ZCCHC14: variants seen among roughly 807,000 people sequenced by gnomAD.
ZCCHC14 encodes the protein zinc finger CCHC-type containing 14.
A neutral mutation model predicts 85.0 loss-of-function variants in ZCCHC14; 16 were observed. That is an observed-to-expected ratio of 0.19 (90% CI 0.13 to 0.29). ZCCHC14 has a LOEUF of 0.29. Ranked by LOEUF, ZCCHC14 falls within the 10% of genes least tolerant of loss-of-function variation. The pLI is 1.00. For missense variants in ZCCHC14, 1,303 were observed against 1,443.5 expected, an observed-to-expected ratio of 0.90 and a Z score of 1.58; for synonymous variants, 775 against 630.7, an observed-to-expected ratio of 1.23 and a Z score of -3.43.
At chr16:87,450,375 A>G (rs1910638759) in intron 2 of ZCCHC14, among the ~76,000 whole-genome samples, 1 of 152,206 alleles carries the variant, frequency 6.6e-6, no homozygotes, top group Non-Finnish European at 1.5e-5. Flanking sequence ...ATTCACCATC[A>G]CACTGATTAA....
At position 87,482,088 on chromosome 16, in the gene ZCCHC14, C is replaced by G. The variant is rs1234237138; in HGVS notation, c.570+9581G>C. ...AGTGGCAGAGCCCTCCCGACCTACC[C>G]ATGTCCCAACACTGCCGCACTGGGG... On this transcript the variant is annotated intron_variant, in intron 1 of 12. Transcript: ENST00000671377. Among the ~76,000 whole-genome samples, 8 of 152,300 alleles carry G rather than the reference C, an allele frequency of 5.3e-5. No individual in the cohort carries two copies. The East Asian group carries it at 1.5e-3, about 29-fold the overall frequency.
chr16:87,465,739 C>G (rs1193355313), intron 1 of ZCCHC14, among the ~76,000 whole-genome samples: 1 of 152,170 alleles, frequency 6.6e-6, no homozygotes, highest in Non-Finnish European at 1.5e-5. Flanking sequence ...CTAACCAGCT[C>G]CCACATGATA....
Position 87,462,200 on chromosome 16 carries a change from C to G in ZCCHC14, c.571-2069G>C, listed in dbSNP as rs142386466. On this transcript the variant is annotated intron_variant, in intron 1 of 12. Transcript: ENST00000671377. ...TTTGGATAACTTAATAACATGTTAT[C>G]AAGAAAATAAAATTTTTTGAATTTC... 6.9e-3 allele frequency among the ~76,000 whole-genome samples: 1,047 copies of G among 151,100 alleles called. 10 individuals are homozygous for G. Among genetic ancestry groups the G allele is most frequent in the African/African-American group, 0.025 (1,015 of 41,206 alleles).
At chr16:87,414,942 C>T (rs1301742039) in intron 9 of ZCCHC14, among the ~76,000 whole-genome samples, 5 of 152,074 alleles carry the variant, frequency 3.3e-5, no homozygotes, top group African/African-American at 9.7e-5. Flanking sequence ...ATTAGCCAGG[C>T]GTGGTGGCGG....
chr16:87,431,945 C>G (rs1329241624), intron 3 of ZCCHC14, among the ~76,000 whole-genome samples: 1 of 152,232 alleles, frequency 6.6e-6, no homozygotes, highest in Non-Finnish European at 1.5e-5. Flanking sequence ...ACCTCCAAAC[C>G]TCAGCAGCTG....
At chr16:87,433,075 G>A in intron 3 of ZCCHC14, 53 bp downstream of exon 3, 2 of 1,560,670 alleles carry the variant, frequency 1.3e-6, no homozygotes, top group East Asian at 2.2e-5. Context: ...TCCAGGGTAA[G>A]TGTTTTCTTC....
chr16:87,489,030 T>C (rs1912635794), intron 1 of ZCCHC14, among the ~76,000 whole-genome samples: 1 of 152,236 alleles, frequency 6.6e-6, no homozygotes, highest in Non-Finnish European at 1.5e-5. Context: ...GGGCTGCTTT[T>C]TCAGGAATAC....
intron 1 of ZCCHC14, among the ~76,000 whole-genome samples, chr16:87,482,065 T>C (rs1912305911): frequency 6.6e-6 from 1 of 152,162 alleles, no homozygotes; most frequent in South Asian, 2.1e-4. Context: ...GTAATGGCAG[T>C]GGCAGAGCCC....
intron 2 of ZCCHC14, among the ~76,000 whole-genome samples, chr16:87,453,833 G>C (rs918831897): frequency 6.6e-6 from 1 of 152,196 alleles, no homozygotes; most frequent in African/African-American, 2.4e-5. Flanking sequence ...ATGGACACCA[G>C]CCCTAAGTGA....
At chr16:87,434,410 T>C (rs528059723) in intron 2 of ZCCHC14, among the ~76,000 whole-genome samples, 1 of 152,282 alleles carries the variant, frequency 6.6e-6, no homozygotes, top group South Asian at 2.1e-4. Flanking sequence ...GCTTTACACA[T>C]AACTGGGAAA....
chr16:87,456,494 C>G (rs1307674866), intron 2 of ZCCHC14, among the ~76,000 whole-genome samples: 1 of 130,722 alleles, frequency 7.6e-6, no homozygotes, highest in Non-Finnish European at 1.6e-5. Context: ...GATTGCGCCA[C>G]TGCACTCCAG....
chr16:87,491,255 A>G lies in ZCCHC14; in HGVS notation c.570+414T>C, dbSNP rs1267654266. On this transcript the variant is annotated intron_variant, in intron 1 of 12. Transcript: ENST00000671377. This position sits in a 1 kb window ranked among gnomAD's most constrained non-coding sequence, Gnocchi z 5.9. Reference sequence around the variant, plus strand: ...GGGCCCCTGCAGCCGCTCCTGCCCAAGGGGCGCGAGGCGGAGGTGTGGAGG... The same window carrying G: ...GGGCCCCTGCAGCCGCTCCTGCCCAGGGGGCGCGAGGCGGAGGTGTGGAGG... 1.3e-5 allele frequency among the ~76,000 whole-genome samples: 2 copies of G among 152,198 alleles called. No individual in the cohort carries two copies. Among genetic ancestry groups the G allele is most frequent in the Non-Finnish European group, 2.9e-5 (2 of 68,032 alleles).
chr16:87,467,306 T>C, intron 1 of ZCCHC14: 3 of 1,581,444 alleles, frequency 1.9e-6, no homozygotes, highest in South Asian at 2.2e-5. Flanking sequence ...GCCTCAATAA[T>C]GTAACACTGC....
intron 1 of ZCCHC14, among the ~76,000 whole-genome samples, chr16:87,477,726 A>G (rs1396391418): frequency 6.6e-6 from 1 of 152,160 alleles, no homozygotes; most frequent in African/African-American, 2.4e-5. Flanking sequence ...CGACACCCTC[A>G]GAGCAGCCTC....
chr16:87,445,152 T>C (rs2150747228), intron 2 of ZCCHC14, among the ~76,000 whole-genome samples: 1 of 152,094 alleles, frequency 6.6e-6, no homozygotes, highest in African/African-American at 2.4e-5. Context: ...CTGCAACCTC[T>C]GCCTCCCAGG....
chr16:87,482,215 C>T (rs1912312359), intron 1 of ZCCHC14, among the ~76,000 whole-genome samples: 1 of 152,222 alleles, frequency 6.6e-6, no homozygotes, highest in African/African-American at 2.4e-5. Context: ...GGAACCTTCA[C>T]TGGGAGCTGG....
At chr16:87,471,298 C>G (rs937380114) in intron 1 of ZCCHC14, 3 of 152,154 alleles carry the variant, frequency 2.0e-5, no homozygotes, top group African/African-American at 7.2e-5. Context: ...AAAACCAGAA[C>G]AAGAAGACAG....
chr16:87,437,874 G>A (rs1459950311), intron 2 of ZCCHC14, among the ~76,000 whole-genome samples: 2 of 152,244 alleles, frequency 1.3e-5, no homozygotes, highest in Admixed American at 6.5e-5. Context: ...GCTGGAATAA[G>A]AATGGTGATG....
intron 1 of ZCCHC14, among the ~76,000 whole-genome samples, chr16:87,485,292 T>C (rs755373102): frequency 2.0e-5 from 3 of 152,242 alleles, no homozygotes; most frequent in African/African-American, 4.8e-5. Context: ...GCTTCAGGTC[T>C]TTTAACCCAG....
Sources: gnomAD v4.1 joint callset for allele counts (sites outside exome capture counted in the v4.1 genomes callset) on GRCh38, gnomAD v4.1.1 for gene constraint, Gnocchi (gnomAD v3.1) non-coding constraint, MANE v1.5 for transcripts, NCBI Gene and HGNC (gene_info 2026-07-23, HGNC 2026-07-21) for gene names.